TIMM23: variants seen among roughly 807,000 people sequenced by gnomAD.
The protein encoded by TIMM23 is translocase of inner mitochondrial membrane 23.
TIMM23 carries 19 observed loss-of-function variants against 30.7 expected under a neutral mutation model. That is an observed-to-expected ratio of 0.62 (90% confidence interval 0.43 to 0.91). The LOEUF (loss-of-function observed/expected upper bound fraction) is 0.91, where lower values mean the gene tolerates loss of function less well. Among genes scored for constraint, TIMM23 ranks in the 40% least tolerant of loss-of-function variants. TIMM23 has a pLI of 0.00. For synonymous variants in TIMM23, 78 were observed against 98.5 expected, an observed-to-expected ratio of 0.79 and a Z score of 1.23; for missense variants, 202 against 269.2, an observed-to-expected ratio of 0.75 and a Z score of 1.75.
At chr10:45,998,978 G>C (rs1838432657) in intron 6 of TIMM23, among the ~76,000 whole-genome samples, 1 of 151,694 alleles carries the variant, frequency 6.6e-6, no homozygotes, top group African/African-American at 2.4e-5. Flanking sequence ...GATTACAGGT[G>C]CCTGCCACCA....
chr10:45,993,316 G>T (rs587611656), intron 6 of TIMM23, among the ~76,000 whole-genome samples: 5 of 147,536 alleles, frequency 3.4e-5, no homozygotes, highest in South Asian at 4.3e-4. Flanking sequence ...CATGATCTCG[G>T]CTCACAGCAC....
In TIMM23 at chr10:46,003,203, G is replaced by T; in HGVS notation, c.515G>T (p.Gly172Val). 6.2e-7 allele frequency: 1 copy of T among 1,612,236 alleles called. No individual in the cohort carries two copies. The highest frequency in any genetic ancestry group is 8.5e-7 in the Non-Finnish European group (1 of 1,178,372). Reference protein sequence around the residue: ...TMTGMLYKCTGGLRGIARGGL... With the variant: ...TMTGMLYKCTVGLRGIARGGL... ...TTTTCCTTTTGTCTCTGTTTCCCAGGTGGTCTTCGAGGGATAGCACGAGGT... is the reference window on the plus strand; with the variant it reads ...TTTTCCTTTTGTCTCTGTTTCCCAGTTGGTCTTCGAGGGATAGCACGAGGT... Residue 172 changes from glycine (G) to valine (V), a missense_variant and splice_region_variant, in exon 7 of 7, where the codon GGT (glycine) becomes GTT (valine). Physicochemically the swap from Gly to Val is moderately radical, Grantham distance 109 (BLOSUM62 -3). Coordinates refer to ENST00000580018, the MANE Select transcript of TIMM23 (RefSeq NM_006327.4).
At position 45,994,106 on chromosome 10, in the gene TIMM23, G is replaced by A. The variant is rs1223457936; in HGVS notation, c.514+5259G>A. ...TGTAATCCTAGCACTTTGGGAGGCC[G>A]AGGCAGGTGGATCACCTGAGGTCAG... On this transcript the variant is annotated intron_variant, in intron 6 of 6. Transcript: ENST00000580018. Among the ~76,000 whole-genome samples the A allele has an allele frequency of 5.9e-5, 9 of 152,202 alleles. No individual in the cohort carries two copies. The South Asian group carries it at 6.2e-4, about 11-fold the overall frequency.
chr10:45,992,650 C>T (rs782100307), intron 6 of TIMM23: 59 of 396,998 alleles, frequency 1.5e-4, no homozygotes, highest in Non-Finnish European at 2.5e-4. Context: ...CTCCACCTCC[C>T]GGGTTCAAGC....
chr10:45,986,804 C>CGTGTGTGT (rs1161990914), intron 5 of TIMM23, among the ~76,000 whole-genome samples: 9 of 149,494 alleles, frequency 6.0e-5, no homozygotes, highest in South Asian at 4.2e-4. Flanking sequence ...ACTAGAAATA[C>CGTGTGTGT]GTGTGTGTGT....
intron 2 of TIMM23, among the ~76,000 whole-genome samples, chr10:45,978,183 C>G (rs1814572367): frequency 6.6e-6 from 1 of 151,904 alleles, no homozygotes; most frequent in African/African-American, 2.4e-5. Context: ...AAGATCCCAT[C>G]TCTCCAAAAA....
intron 1 of TIMM23, among the ~76,000 whole-genome samples, chr10:45,975,124 A>G (rs1837628818): frequency 6.6e-6 from 1 of 152,238 alleles, no homozygotes; most frequent in African/African-American, 2.4e-5. Context: ...ATAGTCACCA[A>G]GCATTCTTGG....
chr10:45,986,579 G>C (rs1837995972), intron 5 of TIMM23, among the ~76,000 whole-genome samples: 1 of 152,160 alleles, frequency 6.6e-6, no homozygotes, highest in African/African-American at 2.4e-5. Flanking sequence ...TACTGCAGTA[G>C]AGGAGTTGTA....
intron 1 of TIMM23, among the ~76,000 whole-genome samples, chr10:45,974,134 GGGGCAGGACTATAGT>G (rs1837589397): frequency 6.7e-6 from 1 of 149,720 alleles, no homozygotes; most frequent in African/African-American, 2.5e-5. Flanking sequence ...TACTTTTCTG[GGGGCAGGACTATAGT>G]GGTTTTTGTG....
chr10:45,982,017 T>C (rs1481751920), intron 2 of TIMM23, among the ~76,000 whole-genome samples: 57 of 152,298 alleles, frequency 3.7e-4, no homozygotes, highest in Middle Eastern at 3.4e-3. Flanking sequence ...CAAAGGAATA[T>C]ATACTCCTTA....
At chr10:45,987,083 T>C (rs1241217820) in intron 5 of TIMM23, among the ~76,000 whole-genome samples, 16 of 152,150 alleles carry the variant, frequency 1.1e-4, no homozygotes, top group Non-Finnish European at 1.6e-4. Flanking sequence ...GAAAAGTCCC[T>C]CTCTGGATCA....
intron 2 of TIMM23, among the ~76,000 whole-genome samples, chr10:45,980,216 A>G (rs1203392252): frequency 6.6e-6 from 1 of 151,070 alleles, no homozygotes; most frequent in Non-Finnish European, 1.5e-5. Flanking sequence ...CTTAAAGAAA[A>G]TAGTACCTGT....
chr10:46,002,469 G>C (rs530788770), intron 6 of TIMM23: 1 of 983,174 alleles, frequency 1.0e-6, no homozygotes, highest in Non-Finnish European at 1.2e-6. Context: ...ATGCCTGGCC[G>C]TCACTAATCT....
intron 2 of TIMM23, among the ~76,000 whole-genome samples, chr10:45,981,628 C>A (rs1349464322): frequency 6.6e-6 from 1 of 152,002 alleles, no homozygotes; most frequent in Admixed American, 6.6e-5. Context: ...TCTGAATCAA[C>A]GTTCAGTATT....
intron 1 of TIMM23, among the ~76,000 whole-genome samples, chr10:45,973,932 GCCTGAGCTACTACTTTA>G (rs1837582443): frequency 6.6e-6 from 1 of 151,876 alleles, no homozygotes; most frequent in East Asian, 1.9e-4. Flanking sequence ...GGATTCCTAG[GCCTGAGCTACTACTTTA>G]CCTGTTTAGA....
chr10:45,997,301 C>T (rs1838371115), intron 6 of TIMM23, among the ~76,000 whole-genome samples: 1 of 147,750 alleles, frequency 6.8e-6, no homozygotes, highest in African/African-American at 2.5e-5. Context: ...CATGGATGAA[C>T]TCTGAGTACA....
At chr10:45,986,338 C>T (rs1837986247) in intron 5 of TIMM23, among the ~76,000 whole-genome samples, 1 of 152,110 alleles carries the variant, frequency 6.6e-6, no homozygotes, top group East Asian at 1.9e-4. Flanking sequence ...TGCTTGTATA[C>T]CTAGAGTAGT....
chr10:45,998,598 C>G (rs1838417409), intron 6 of TIMM23, among the ~76,000 whole-genome samples: 1 of 152,150 alleles, frequency 6.6e-6, no homozygotes, highest in Non-Finnish European at 1.5e-5. Context: ...TTAACGGAAA[C>G]AGTTACAATT....
rs542863841 is a variant in TIMM23 at position 46,002,800 on chromosome 10, A to G, written c.515-403A>G. On this transcript the variant is annotated intron_variant, in intron 6 of 6. Transcript: ENST00000580018. ...GATTTATTTTTAAAATGGTCTCTCC[A>G]TTTCATAGTATTTTTTTTTTTTTTT... Among the ~76,000 whole-genome samples the G allele has an allele frequency of 2.1e-5, 3 of 141,486 alleles. No homozygotes were observed. The South Asian group carries it at 6.8e-4, about 32-fold the overall frequency. The allele number at this position is 141,486 out of a possible 152,430, so 92.8% of individuals were successfully genotyped here. A position where few individuals can be genotyped will look rare whatever the true frequency, so the allele number is the denominator to read the frequency against.
Sources: allele counts gnomAD v4.1 joint callset (sites outside exome capture counted in the v4.1 genomes callset), GRCh38; gene constraint gnomAD v4.1.1; transcripts MANE v1.5; gene names NCBI Gene and HGNC (gene_info 2026-07-23, HGNC 2026-07-21).